The following TMTC2 variants were observed in gnomAD, a reference collection of about 807,000 sequenced individuals.
TMTC2 encodes transmembrane O-mannosyltransferase targeting cadherins 2.
A neutral mutation model predicts 82.4 loss-of-function variants in TMTC2; 43 were observed. The ratio of observed to expected loss-of-function variants is 0.52; its 90% confidence interval spans 0.41 to 0.67. The LOEUF is 0.67. TMTC2 is among the 30% of genes least tolerant of loss of function. The pLI is 0.00. For synonymous variants in TMTC2, 408 were observed against 381.9 expected (o/e 1.07, Z -0.80); for missense variants, 919 against 1,012.4 (o/e 0.91, Z 1.25).
At chr12:82,984,591 G>T (rs1879076298) in intron 7 of TMTC2, among the ~76,000 whole-genome samples, 1 of 152,118 alleles carries the variant, frequency 6.6e-6, no homozygotes, top group Admixed American at 6.6e-5. Context: ...TCATGATTAT[G>T]ATTACTTATG....
At chr12:82,721,532 TC>T (rs1444326433) in intron 1 of TMTC2, among the ~76,000 whole-genome samples, 6 of 152,310 alleles carry the variant, frequency 3.9e-5, no homozygotes, top group Non-Finnish European at 7.3e-5. Flanking sequence ...GAACTGTGTC[TC>T]CCATTATGCA....
intron 4 of TMTC2, among the ~76,000 whole-genome samples, chr12:82,940,886 T>G (rs1007901301): frequency 6.6e-6 from 1 of 152,116 alleles, no homozygotes; most frequent in Non-Finnish European, 1.5e-5. Context: ...TGGATTATGT[T>G]AACATTTGTG....
chr12:82,718,350 A>G (rs1374420424), intron 1 of TMTC2, among the ~76,000 whole-genome samples: 1 of 152,220 alleles, frequency 6.6e-6, no homozygotes, highest in Non-Finnish European at 1.5e-5. Flanking sequence ...TTAACTACAT[A>G]TGGTAATGCT....
intron 8 of TMTC2, among the ~76,000 whole-genome samples, chr12:83,001,521 G>T (rs55641778): frequency 0.071 from 10,709 of 151,322 alleles, 529 homozygotes; most frequent in African/African-American, 0.13. Context: ...TGTAATCTCA[G>T]CTACTTGGGA....
intron 1 of TMTC2, among the ~76,000 whole-genome samples, chr12:82,721,348 A>G (rs1042941336): frequency 3.9e-5 from 6 of 152,230 alleles, no homozygotes; most frequent in African/African-American, 1.2e-4. Context: ...AAATATTGAC[A>G]AAGGAGAAGG....
At chr12:82,828,946 T>A (rs1869596018) in intron 1 of TMTC2, among the ~76,000 whole-genome samples, 1 of 152,126 alleles carries the variant, frequency 6.6e-6, no homozygotes, top group Admixed American at 6.5e-5. Context: ...TTAGTACCCT[T>A]AAAACGAAAA....
chr12:82,956,298 T>A (rs1048332198), intron 4 of TMTC2, among the ~76,000 whole-genome samples: 38 of 150,782 alleles, frequency 2.5e-4, no homozygotes, highest in African/African-American at 5.1e-4. Flanking sequence ...GAATGAAAAA[T>A]ATATATATAT....
At chr12:82,718,652 A>G (rs1448623098) in intron 1 of TMTC2, among the ~76,000 whole-genome samples, 1 of 152,186 alleles carries the variant, frequency 6.6e-6, no homozygotes, top group Non-Finnish European at 1.5e-5. Context: ...GAACCACATG[A>G]CAGGGCCATT....
chr12:82,768,912 C>T (rs558470694), intron 1 of TMTC2, among the ~76,000 whole-genome samples: 94 of 152,048 alleles, frequency 6.2e-4, no homozygotes, highest in Non-Finnish European at 8.2e-4. Flanking sequence ...ATGCTTTTTC[C>T]TTAATGAGGC....
At chr12:82,918,956 C>T (rs983691974) in intron 3 of TMTC2, among the ~76,000 whole-genome samples, 3 of 152,170 alleles carry the variant, frequency 2.0e-5, no homozygotes, top group Admixed American at 6.5e-5. Flanking sequence ...TGGGGTTTCA[C>T]CATGTTGGCC....
intron 11 of TMTC2, among the ~76,000 whole-genome samples, chr12:83,124,211 G>A (rs1169446815): frequency 2.6e-5 from 4 of 152,184 alleles, no homozygotes; most frequent in Middle Eastern, 3.2e-3. Flanking sequence ...TGTTCACTGC[G>A]TATCCATTGT....
intron 4 of TMTC2, among the ~76,000 whole-genome samples, chr12:82,932,378 AAG>A (rs1238859352): frequency 6.6e-6 from 1 of 152,050 alleles, no homozygotes. Context: ...CTTTCACATG[AAG>A]CACACCTGCT....
intron 4 of TMTC2, among the ~76,000 whole-genome samples, chr12:82,958,442 A>G (rs1468297137): frequency 1.3e-5 from 2 of 151,998 alleles, no homozygotes; most frequent in Non-Finnish European, 2.9e-5. Flanking sequence ...GTAAAATACT[A>G]GTAAACTGAA....
intron 4 of TMTC2, among the ~76,000 whole-genome samples, chr12:82,948,045 A>C (rs1877122669): frequency 1.3e-5 from 2 of 152,164 alleles, no homozygotes; most frequent in African/African-American, 4.8e-5. Context: ...TTCTGCACCA[A>C]AATTAAATCA....
chr12:83,083,221 G>C (rs1883532078), intron 11 of TMTC2, among the ~76,000 whole-genome samples: 1 of 152,188 alleles, frequency 6.6e-6, no homozygotes, highest in Admixed American at 6.5e-5. Context: ...TTTTAAAGAA[G>C]TCAGTTCCGC....
chr12:83,001,954 G>C (rs995815882), intron 8 of TMTC2, among the ~76,000 whole-genome samples: 16 of 152,148 alleles, frequency 1.1e-4, no homozygotes, highest in Non-Finnish European at 2.2e-4. Context: ...TTTTTGTTGT[G>C]TCTCTGCCTG....
intron 9 of TMTC2, among the ~76,000 whole-genome samples, chr12:83,049,668 G>C (rs181159009): frequency 1.4e-4 from 21 of 152,196 alleles, no homozygotes; most frequent in Non-Finnish European, 2.8e-4. Flanking sequence ...ATTATTTCGC[G>C]TATGTACACA....
intron 11 of TMTC2, among the ~76,000 whole-genome samples, chr12:83,092,241 C>T (rs959497753): frequency 6.6e-6 from 1 of 152,176 alleles, no homozygotes; most frequent in Admixed American, 6.5e-5. Context: ...TCCTCCCACA[C>T]AAAGGCTAGG....
chr12:83,053,368 A>G (rs1197592219), intron 10 of TMTC2, among the ~76,000 whole-genome samples: 1 of 152,124 alleles, frequency 6.6e-6, no homozygotes, highest in Non-Finnish European at 1.5e-5. Flanking sequence ...TTGGTTCGCT[A>G]GATAAGTGGT....
Sources: gnomAD v4.1 joint callset for allele counts (sites outside exome capture counted in the v4.1 genomes callset) on GRCh38, gnomAD v4.1.1 for gene constraint, MANE v1.5 for transcripts, NCBI Gene and HGNC (gene_info 2026-07-23, HGNC 2026-07-21) for gene names.